The following PCDH15 variants were observed in gnomAD, a reference collection of about 807,000 sequenced individuals.
PCDH15 encodes the protein protocadherin related 15.
In PCDH15, 129 loss-of-function variants were observed where a neutral mutation model predicts 178.5. The ratio of observed to expected loss-of-function variants is 0.72; its 90% CI spans 0.63 to 0.84. The LOEUF is 0.84. PCDH15 is among the 40% of genes least tolerant of loss of function. The pLI, the probability that PCDH15 is intolerant of heterozygous loss-of-function variation, is 0.00. For synonymous variants in PCDH15, 800 were observed against 732.0 expected, an observed-to-expected ratio of 1.09 and a Z score of -1.50; for missense variants, 2,230 against 2,099.9, an observed-to-expected ratio of 1.06 and a Z score of -1.21.
At chr10:54,212,413 C>T (rs1032232466) in intron 10 of PCDH15, among the ~76,000 whole-genome samples, 2 of 152,114 alleles carry the variant, frequency 1.3e-5, no homozygotes, top group Non-Finnish European at 2.9e-5. Context: ...CGCTATACCT[C>T]ATTTCCCTGT....
intron 3 of PCDH15, among the ~76,000 whole-genome samples, chr10:54,876,237 T>G (rs1954140767): frequency 6.6e-6 from 1 of 152,116 alleles, no homozygotes; most frequent in South Asian, 2.1e-4. Context: ...TGAGATCTAC[T>G]TCACAGAAAA....
intron 2 of PCDH15, among the ~76,000 whole-genome samples, chr10:55,537,060 A>C (rs961914439): frequency 6.6e-6 from 1 of 152,140 alleles, no homozygotes; most frequent in African/African-American, 2.4e-5. Context: ...TTGATAGCAC[A>C]GAATTTGCAC....
intron 2 of PCDH15, among the ~76,000 whole-genome samples, chr10:55,112,491 G>A (rs1367021183): frequency 6.6e-6 from 1 of 152,144 alleles, no homozygotes; most frequent in South Asian, 2.1e-4. Flanking sequence ...AGTAAAAGGA[G>A]AGAGAGAAAC....
At chr10:55,307,441 T>G (rs1006759948) in intron 1 of PCDH15, among the ~76,000 whole-genome samples, 6 of 151,352 alleles carry the variant, frequency 4.0e-5, no homozygotes, top group Non-Finnish European at 7.4e-5. Context: ...AGGCTGAGCT[T>G]GCAGTGAGCC....
At chr10:54,566,243 C>CATAT (rs1230328407) in intron 2 of PCDH15, among the ~76,000 whole-genome samples, 2 of 152,024 alleles carry the variant, frequency 1.3e-5, no homozygotes, top group African/African-American at 4.8e-5. Context: ...AGATATTTTC[C>CATAT]ATATACTCCT....
intron 1 of PCDH15, among the ~76,000 whole-genome samples, chr10:55,292,591 A>G (rs2132269625): frequency 6.6e-6 from 1 of 152,230 alleles, no homozygotes; most frequent in Admixed American, 6.5e-5. Flanking sequence ...CATGTTGGCC[A>G]GGCTGGTCTC....
intron 2 of PCDH15, among the ~76,000 whole-genome samples, chr10:55,532,685 G>T (rs1841480236): frequency 6.6e-6 from 1 of 152,050 alleles, no homozygotes; most frequent in African/African-American, 2.4e-5. Context: ...TGTAGGAGGT[G>T]ACAGTTAAAT....
chr10:54,321,163 G>A (rs935318282), intron 7 of PCDH15, among the ~76,000 whole-genome samples: 60 of 146,942 alleles, frequency 4.1e-4, no homozygotes, highest in Non-Finnish European at 7.2e-4. Flanking sequence ...GTTAATATTT[G>A]AAAATTTTTT....
intron 27 of PCDH15, among the ~76,000 whole-genome samples, chr10:53,864,032 G>T (rs2079280798): frequency 6.6e-6 from 1 of 152,162 alleles, no homozygotes; most frequent in Admixed American, 6.5e-5. Context: ...GAGCAGAGAA[G>T]ATTTTCTAGG....
intron 1 of PCDH15, among the ~76,000 whole-genome samples, chr10:54,679,070 G>A (rs1297416416): frequency 6.6e-6 from 1 of 151,278 alleles, no homozygotes; most frequent in Non-Finnish European, 1.5e-5. Context: ...GGCGCCTGTA[G>A]TCCCAGCTAC....
At chr10:55,132,887 C>G (rs7074283) in intron 2 of PCDH15, among the ~76,000 whole-genome samples, 1 of 152,132 alleles carries the variant, frequency 6.6e-6, no homozygotes, top group Non-Finnish European at 1.5e-5. Flanking sequence ...AATTTAAGGA[C>G]GCTTTAAACT....
At chr10:55,488,517 G>C (rs1272745064) in intron 2 of PCDH15, among the ~76,000 whole-genome samples, 1 of 151,384 alleles carries the variant, frequency 6.6e-6, no homozygotes, top group Non-Finnish European at 1.5e-5. Context: ...TTTGACTTTG[G>C]ACATTTCAAA....
chr10:53,903,159 G>A lies in PCDH15; in HGVS notation c.3501+84C>T, dbSNP rs367879932. 2.9e-5 allele frequency: 43 copies of A among 1,500,926 alleles called. No individual in the cohort carries two copies. The South Asian group carries it at 4.6e-4, about 16-fold the overall frequency. 93.0% of individuals were successfully genotyped at this position (1,500,926 alleles called of 1,614,324 possible). A position where few individuals can be genotyped will look rare whatever the true frequency, so the allele number is the denominator to read the frequency against. ...TTTGTTTATACAGCATAAGTATGCA[G>A]TTAATGCAAACTACAGGCTTACAGC... On this transcript the variant is annotated intron_variant, in intron 26 of 37. Coordinates refer to ENST00000644397, the MANE Select transcript of PCDH15 (RefSeq NM_001384140.1).
intron 2 of PCDH15, among the ~76,000 whole-genome samples, chr10:55,150,627 C>T (rs1283302076): frequency 2.0e-5 from 3 of 152,048 alleles, no homozygotes; most frequent in Admixed American, 6.6e-5. Flanking sequence ...CTTATGTAAC[C>T]ATATAACATT....
intron 7 of PCDH15, among the ~76,000 whole-genome samples, chr10:54,320,345 C>T (rs1345593375): frequency 6.6e-6 from 1 of 151,910 alleles, no homozygotes; most frequent in Non-Finnish European, 1.5e-5. Context: ...AAGCCTCCTC[C>T]CTCTCATTGT....
intron 1 of PCDH15, among the ~76,000 whole-genome samples, chr10:55,213,672 T>C (rs1490977097): frequency 2.0e-5 from 3 of 151,822 alleles, no homozygotes; most frequent in Non-Finnish European, 1.5e-5. Flanking sequence ...TGTTTATTTA[T>C]GTTTTCTTGT....
chr10:55,458,874 T>C (rs1318713953), intron 2 of PCDH15, among the ~76,000 whole-genome samples: 3 of 151,956 alleles, frequency 2.0e-5, no homozygotes, highest in Non-Finnish European at 4.4e-5. Flanking sequence ...ACTAAAACGG[T>C]AAATGACTAA....
intron 2 of PCDH15, among the ~76,000 whole-genome samples, chr10:55,455,154 C>T (rs1839522916): frequency 1.3e-5 from 2 of 152,070 alleles, no homozygotes; most frequent in African/African-American, 2.4e-5. Flanking sequence ...CCGTTTTCTG[C>T]CTTTACCTAA....
chr10:54,457,587 AT>A (rs1244191306), intron 3 of PCDH15, among the ~76,000 whole-genome samples: 1 of 151,834 alleles, frequency 6.6e-6, no homozygotes, highest in Non-Finnish European at 1.5e-5. Context: ...GTAAAATTTT[AT>A]TTTTTTTCTT....
Sources: allele counts gnomAD v4.1 joint callset (sites outside exome capture counted in the v4.1 genomes callset), GRCh38; gene constraint gnomAD v4.1.1; transcripts MANE v1.5; gene names NCBI Gene and HGNC (gene_info 2026-07-23, HGNC 2026-07-21).